Variants in FER observed in about 807,000 individuals in gnomAD.
FER encodes the protein tyrosine-protein kinase Fer.
Under a neutral mutation model 111.0 loss-of-function variants are expected in FER, and 63 were observed. That is an observed-to-expected ratio of 0.57 (90% CI 0.46 to 0.70). The LOEUF is 0.70. FER is among the 30% of genes least tolerant of loss of function. FER has a pLI of 0.00. For missense variants in FER, 914 were observed against 954.0 expected, an observed-to-expected ratio of 0.96 and a Z score of 0.55; for synonymous variants, 327 against 313.9, an observed-to-expected ratio of 1.04 and a Z score of -0.44.
rs1462691181 is a variant in FER at position 108,926,325 on chromosome 5, A to G, written c.1237-19805A>G. 2.6e-4 allele frequency among the ~76,000 whole-genome samples: 39 copies of G among 151,754 alleles called. 1 individual carries two copies. Among genetic ancestry groups the G allele is most frequent in the Admixed American group, 2.5e-3 (38 of 15,240 alleles). On this transcript the variant is annotated intron_variant, in intron 10 of 19. Transcript: ENST00000281092. ...TTTGAAATAGTTCTTAATCCTCTTA[A>G]ATTTTATTAACTTTTTTCTTTTATA...
intron 13 of FER, among the ~76,000 whole-genome samples, chr5:109,019,561 T>A (rs564791610): frequency 6.6e-6 from 1 of 151,846 alleles, no homozygotes; most frequent in Admixed American, 6.6e-5. Flanking sequence ...AGGGAACTTA[T>A]TAAAAATACA....
At chr5:108,856,024 T>A (rs528495256) in intron 5 of FER, among the ~76,000 whole-genome samples, 14 of 151,930 alleles carry the variant, frequency 9.2e-5, no homozygotes, top group African/African-American at 3.4e-4. Context: ...GAAAAACAGT[T>A]GAGGCAGCAG....
chr5:108,764,005 G>C (rs1752037473), intron 1 of FER, among the ~76,000 whole-genome samples: 1 of 152,110 alleles, frequency 6.6e-6, no homozygotes, highest in East Asian at 1.9e-4. Flanking sequence ...AGTATTATCT[G>C]TTCAATTTGG....
chr5:108,967,793 A>T (rs1439924373), intron 13 of FER, among the ~76,000 whole-genome samples: 1 of 150,672 alleles, frequency 6.6e-6, no homozygotes, highest in Non-Finnish European at 1.5e-5. Context: ...ACAATTAGGA[A>T]AGGGTAGGTA....
chr5:108,859,084 A>G (rs1763270833), intron 5 of FER, among the ~76,000 whole-genome samples: 1 of 152,154 alleles, frequency 6.6e-6, no homozygotes, highest in African/African-American at 2.4e-5. Context: ...ATTTCCTTCT[A>G]TAAGGATTAT....
At chr5:109,048,934 C>G (rs1581793475) in intron 16 of FER, among the ~76,000 whole-genome samples, 1 of 151,788 alleles carries the variant, frequency 6.6e-6, no homozygotes, top group African/African-American at 2.4e-5. Context: ...CAGAATATTC[C>G]ATTTTGTGGA....
At position 109,051,850 on chromosome 5, in the gene FER, A is replaced by G. The variant is rs540749090; in HGVS notation, c.1924+4652A>G. The G allele has an allele frequency of 1.3e-3, 2,011 of 1,590,020 alleles. 29 individuals carry two copies. In the African/African-American group the frequency reaches 0.024, roughly 19 times the overall value. ...GAAGATGATGAAGATGGTTTTCTCCATGGGGCAAGAGAGGAAGCAGTCCAC... is the reference window on the plus strand; with the variant it reads ...GAAGATGATGAAGATGGTTTTCTCCGTGGGGCAAGAGAGGAAGCAGTCCAC... On this transcript the variant is annotated intron_variant, in intron 16 of 19. Coordinates refer to ENST00000281092, the MANE Select transcript of FER (RefSeq NM_005246.4).
At chr5:109,159,665 T>C (rs1212317059) in intron 17 of FER, among the ~76,000 whole-genome samples, 8 of 152,278 alleles carry the variant, frequency 5.3e-5, no homozygotes, top group Admixed American at 2.6e-4. Context: ...TCCTCTTTCA[T>C]AAAATGAGAT....
intron 16 of FER, among the ~76,000 whole-genome samples, chr5:109,096,825 G>T (rs1187648021): frequency 3.3e-5 from 5 of 151,486 alleles, no homozygotes; most frequent in Non-Finnish European, 7.4e-5. Flanking sequence ...AAGGAAATTG[G>T]GATGAATCAG....
At chr5:109,098,687 T>G (rs903349679) in intron 16 of FER, among the ~76,000 whole-genome samples, 2 of 151,738 alleles carry the variant, frequency 1.3e-5, no homozygotes, top group African/African-American at 4.8e-5. Context: ...TTTTCACTAT[T>G]GAAATCAGGT....
rs1756276028 is a variant in FER, at chr5:108,798,374, C to T, written c.192C>T (p.Val64=). 6.2e-7 allele frequency: 1 copy of T among 1,611,798 alleles called. No homozygotes were observed. The highest frequency in any genetic ancestry group is 8.5e-7 in the Non-Finnish European group (1 of 1,178,418). Residue 64 remains valine, a synonymous_variant, in exon 3 of 20, where the codon GTC becomes GTT. Transcript: ENST00000281092. ...DKESTVQMNY[V]SNVSKSWLLM... ...AAAGTACTGTCCAAATGAATTATGT[C>T]AGCAACGTATCCAAGGTAAGAAGAA...
chr5:108,938,024 TCTCACACACA>T (rs1270099515), intron 10 of FER, among the ~76,000 whole-genome samples: 130 of 78,040 alleles, frequency 1.7e-3, no homozygotes, highest in African/African-American at 3.1e-3. Context: ...CCTATCTCTC[TCTCACACACA>T]CACACACACA....
intron 10 of FER, among the ~76,000 whole-genome samples, chr5:108,924,300 C>T (rs982794069): frequency 1.3e-4 from 18 of 140,658 alleles, no homozygotes; most frequent in African/African-American, 4.6e-4. Context: ...GCAGAGGTTG[C>T]AGAGAGTCAA....
intron 17 of FER, among the ~76,000 whole-genome samples, chr5:109,116,118 G>A (rs1028683405): frequency 1.3e-5 from 2 of 152,096 alleles, no homozygotes; most frequent in African/African-American, 4.8e-5. Flanking sequence ...TGTGCTGGGG[G>A]CCTTTTCTGA....
intron 3 of FER, among the ~76,000 whole-genome samples, chr5:108,822,734 T>C (rs1478669731): frequency 7.2e-6 from 1 of 139,156 alleles, no homozygotes. Context: ...TTTTATTTTA[T>C]TTTATTTTAT....
intron 1 of FER, among the ~76,000 whole-genome samples, chr5:108,764,349 A>G (rs1387318949): frequency 6.6e-6 from 1 of 152,006 alleles, no homozygotes; most frequent in Non-Finnish European, 1.5e-5. Flanking sequence ...TGAACAAGAA[A>G]TTTTCTTTGA....
intron 17 of FER, 29 bp downstream of exon 17, chr5:109,100,548 T>C (rs546124781): frequency 6.3e-7 from 1 of 1,586,726 alleles, no homozygotes; most frequent in Admixed American, 1.8e-5. Flanking sequence ...AAGCAATTTT[T>C]GGTTTTATTA....
intron 13 of FER, among the ~76,000 whole-genome samples, chr5:108,987,354 G>A (rs907378868): frequency 1.3e-5 from 2 of 152,198 alleles, no homozygotes; most frequent in Admixed American, 1.3e-4. Flanking sequence ...GCTAAGGCAG[G>A]AGAATCGCTT....
intron 11 of FER, among the ~76,000 whole-genome samples, chr5:108,951,828 C>G (rs1561668097): frequency 6.6e-6 from 1 of 152,058 alleles, no homozygotes; most frequent in Non-Finnish European, 1.5e-5. Context: ...AGAAGCTCAT[C>G]TTGCTACTCA....
Sources: gnomAD v4.1 joint callset for allele counts (sites outside exome capture counted in the v4.1 genomes callset) on GRCh38, gnomAD v4.1.1 for gene constraint, MANE v1.5 for transcripts, NCBI Gene and HGNC (gene_info 2026-07-23, HGNC 2026-07-21) for gene names.